The following AGBL4 variants were observed in gnomAD, a reference collection of about 807,000 sequenced individuals.
AGBL4 encodes the protein AGBL carboxypeptidase 4, also known as cytosolic carboxypeptidase 6.
Under a neutral mutation model 66.4 loss-of-function variants are expected in AGBL4, and 58 were observed. The ratio of observed to expected loss-of-function variants is 0.87; its 90% CI spans 0.71 to 1.09. The LOEUF (loss-of-function observed/expected upper bound fraction) is 1.09. AGBL4 is among the 50% of genes least tolerant of loss of function. The pLI is 0.00. For synonymous variants in AGBL4, 234 were observed against 222.9 expected (o/e 1.05, Z -0.44); for missense variants, 579 against 631.0 (o/e 0.92, Z 0.88).
At chr1:49,200,711 T>C (rs569891362) in intron 4 of AGBL4, among the ~76,000 whole-genome samples, 48 of 152,260 alleles carry the variant, frequency 3.2e-4, no homozygotes, top group Admixed American at 7.2e-4. Context: ...AAGAGGTGCA[T>C]AGGACAAGGC....
intron 3 of AGBL4, among the ~76,000 whole-genome samples, chr1:49,652,795 C>T (rs189371157): frequency 6.6e-6 from 1 of 152,124 alleles, no homozygotes; most frequent in Non-Finnish European, 1.5e-5. Flanking sequence ...CATCCCCAAC[C>T]AGGGGTTTAT....
intron 3 of AGBL4, among the ~76,000 whole-genome samples, chr1:49,530,280 A>AAAAAAAC (rs1165391996): frequency 6.8e-6 from 1 of 148,000 alleles, no homozygotes; most frequent in Admixed American, 6.7e-5. Context: ...AAACAAAAAA[A>AAAAAAAC]AACTCTATGA....
At chr1:49,075,166 A>G (rs1405036783) in intron 4 of AGBL4, among the ~76,000 whole-genome samples, 1 of 152,210 alleles carries the variant, frequency 6.6e-6, no homozygotes, top group East Asian at 1.9e-4. Context: ...TAGTTCTTCT[A>G]GGTCTAAAAT....
intron 2 of AGBL4, among the ~76,000 whole-genome samples, chr1:49,730,901 T>C (rs1182506143): frequency 6.6e-6 from 1 of 152,214 alleles, no homozygotes; most frequent in Non-Finnish European, 1.5e-5. Context: ...ATAATATTTA[T>C]TAATGAATGA....
chr1:49,666,940 G>C (rs1646382878), intron 3 of AGBL4, among the ~76,000 whole-genome samples: 2 of 151,982 alleles, frequency 1.3e-5, no homozygotes, highest in African/African-American at 4.8e-5. Flanking sequence ...TCCAAAGCTT[G>C]GTTTTGGTAT....
chr1:49,742,280 A>C (rs374057460), intron 2 of AGBL4, among the ~76,000 whole-genome samples: 2 of 151,204 alleles, frequency 1.3e-5, no homozygotes, highest in Non-Finnish European at 3.0e-5. Flanking sequence ...GAGCCAAATC[A>C]TGAGTGAACT....
chr1:49,392,640 C>T (rs1004980729), intron 3 of AGBL4, among the ~76,000 whole-genome samples: 5 of 152,100 alleles, frequency 3.3e-5, no homozygotes, highest in African/African-American at 7.2e-5. Flanking sequence ...TGATTACTCA[C>T]GAGCCTTGTC....
chr1:49,681,570 T>A (rs1646693829), intron 3 of AGBL4, among the ~76,000 whole-genome samples: 1 of 152,194 alleles, frequency 6.6e-6, no homozygotes, highest in Non-Finnish European at 1.5e-5. Flanking sequence ...ATGGTCTGCC[T>A]TCTTTACTCC....
chr1:49,831,448 A>T (rs1460583622), intron 2 of AGBL4, among the ~76,000 whole-genome samples: 1 of 152,104 alleles, frequency 6.6e-6, no homozygotes, highest in Non-Finnish European at 1.5e-5. Context: ...TGATTTTTGC[A>T]TATTGATTTT....
intron 5 of AGBL4, among the ~76,000 whole-genome samples, chr1:48,989,575 G>A (rs1238210921): frequency 1.3e-5 from 2 of 151,890 alleles, no homozygotes; most frequent in African/African-American, 2.4e-5. Context: ...CTATCTCCAT[G>A]AGTTCAATTG....
chr1:48,971,339 T>C (rs1468651057), intron 5 of AGBL4, among the ~76,000 whole-genome samples: 2 of 152,064 alleles, frequency 1.3e-5, no homozygotes, highest in Non-Finnish European at 2.9e-5. Context: ...TGATCTGAGG[T>C]AGAGCAGTTT....
At chr1:48,804,957 TG>T (rs1426986864) in intron 6 of AGBL4, among the ~76,000 whole-genome samples, 1 of 152,198 alleles carries the variant, frequency 6.6e-6, no homozygotes, top group Non-Finnish European at 1.5e-5. Flanking sequence ...TAACAAACTC[TG>T]GTTGGTTGGG....
intron 2 of AGBL4, among the ~76,000 whole-genome samples, chr1:49,835,282 T>C (rs941073750): frequency 6.6e-6 from 1 of 152,180 alleles, no homozygotes; most frequent in Non-Finnish European, 1.5e-5. Flanking sequence ...GTATTTAGGA[T>C]AGTTAGCTCT....
intron 4 of AGBL4, among the ~76,000 whole-genome samples, chr1:49,151,045 G>A (rs543426730): frequency 7.2e-5 from 11 of 152,008 alleles, no homozygotes; most frequent in Admixed American, 3.9e-4. Context: ...GAGGAGGGTG[G>A]ATCACGAAGT....
At chr1:49,049,202 C>T (rs908802947) in intron 4 of AGBL4, among the ~76,000 whole-genome samples, 1 of 152,114 alleles carries the variant, frequency 6.6e-6, no homozygotes. Flanking sequence ...GATCTTTCCT[C>T]TACCTGGTCT....
At chr1:49,584,372 C>T (rs149805554) in intron 3 of AGBL4, among the ~76,000 whole-genome samples, 4 of 152,242 alleles carry the variant, frequency 2.6e-5, no homozygotes, top group African/African-American at 9.6e-5. Flanking sequence ...CTATTGCCAG[C>T]ACTGTCAATA....
At chr1:48,537,675 T>G (rs569940168) in intron 12 of AGBL4, among the ~76,000 whole-genome samples, 11 of 152,324 alleles carry the variant, frequency 7.2e-5, no homozygotes, top group African/African-American at 2.6e-4. Flanking sequence ...TTCATTGGTA[T>G]ATGACAATGC....
chr1:50,004,679 C>A (rs1474152622), intron 1 of AGBL4, among the ~76,000 whole-genome samples: 6 of 152,256 alleles, frequency 3.9e-5, no homozygotes, highest in African/African-American at 1.4e-4. Flanking sequence ...AAGAAGGGAA[C>A]CTGCAGCCCT....
chr1:48,847,069 G>T (rs997306198), intron 6 of AGBL4, among the ~76,000 whole-genome samples: 2 of 152,154 alleles, frequency 1.3e-5, no homozygotes, highest in East Asian at 1.9e-4. Flanking sequence ...GGGAGGCCGA[G>T]GGGGGTGGAT....
Sources: gnomAD v4.1 joint callset for allele counts (sites outside exome capture counted in the v4.1 genomes callset) on GRCh38, gnomAD v4.1.1 for gene constraint, MANE v1.5 for transcripts, NCBI Gene and HGNC (gene_info 2026-07-23, HGNC 2026-07-21) for gene names.